The following ASRGL1 variants were observed in gnomAD, a reference collection of about 807,000 sequenced individuals.
ASRGL1 encodes the protein isoaspartyl peptidase/L-asparaginase.
A neutral mutation model predicts 22.4 loss-of-function variants in ASRGL1; 16 were observed. The ratio of observed to expected loss-of-function variants is 0.71; its 90% confidence interval spans 0.48 to 1.08. ASRGL1 has a LOEUF of 1.08. Among genes scored for constraint, ASRGL1 ranks in the 50% least tolerant of loss-of-function variants. The pLI is 0.00. For synonymous variants in ASRGL1, 165 were observed against 159.3 expected, an observed-to-expected ratio of 1.04 and a Z score of -0.27; for missense variants, 412 against 410.1, an observed-to-expected ratio of 1.00 and a Z score of -0.04.
At chr11:62,348,659 C>T (rs759788574) in intron 2 of ASRGL1, among the ~76,000 whole-genome samples, 57 of 151,518 alleles carry the variant, frequency 3.8e-4, no homozygotes, top group Admixed American at 7.9e-4. Context: ...GCCAAGATCG[C>T]GCCACTGCAC....
At chr11:62,394,348 A>T (rs1416604414), downstream of ASRGL1, among the ~76,000 whole-genome samples, 1 of 144,502 alleles carries the variant, frequency 6.9e-6, no homozygotes, top group East Asian at 1.9e-4. Context: ...AATATATATT[A>T]TATATAATAT....
chr11:62,366,035 A>C (rs1274668191), intron 4 of ASRGL1, among the ~76,000 whole-genome samples: 8 of 147,760 alleles, frequency 5.4e-5, no homozygotes, highest in Non-Finnish European at 1.2e-4. Flanking sequence ...CAAGACAGGC[A>C]GACTGCCCGA....
intron 4 of ASRGL1, among the ~76,000 whole-genome samples, chr11:62,364,114 ACACCACT>A (rs1946550293): frequency 6.8e-6 from 1 of 146,554 alleles, no homozygotes; most frequent in Non-Finnish European, 1.5e-5. Flanking sequence ...AGCTGAGATC[ACACCACT>A]GCACTCCAGC....
intron 4 of ASRGL1, among the ~76,000 whole-genome samples, chr11:62,373,687 G>A (rs535766403): frequency 6.6e-6 from 1 of 152,316 alleles, no homozygotes; most frequent in African/African-American, 2.4e-5. Flanking sequence ...CTCCTTTCCC[G>A]CTTTTTCTTG....
rs1370734820 is a variant in ASRGL1 at position 62,391,537 on chromosome 11, C to T, written c.626C>T (p.Ala209Val). ...DSPCLGAGGY[A>V]DNDIGAVSTT... ...TTTTGAGCAGGAGCTGGAGGTTATG[C>T]CGACAATGACATCGGAGCCGTCTCA... is the stretch of plus-strand genomic sequence containing the variant. Residue 209 changes from alanine to valine, a missense_variant, in exon 6 of 7, where the codon GCC becomes GTC. Physicochemically the swap from Ala to Val is moderately conservative, Grantham distance 64. Transcript: ENST00000415229. 2 of 1,611,084 alleles carry T rather than the reference C, an allele frequency of 1.2e-6. No individual in the cohort carries two copies. The highest frequency in any genetic ancestry group is 1.7e-6 in the Non-Finnish European group (2 of 1,178,666).
At chr11:62,384,034 G>GCA (rs200584567) in intron 4 of ASRGL1, among the ~76,000 whole-genome samples, 1 of 140,748 alleles carries the variant, frequency 7.1e-6, no homozygotes, top group African/African-American at 2.6e-5. Context: ...GCACGTGTGT[G>GCA]CGTGTGTGTG....
chr11:62,361,668 A>C (rs1239174765), intron 4 of ASRGL1, among the ~76,000 whole-genome samples: 1 of 151,618 alleles, frequency 6.6e-6, no homozygotes, highest in African/African-American at 2.4e-5. Context: ...TTGTATTTTT[A>C]GTAGAGAGGG....
intron 6 of ASRGL1, 188 bp downstream of exon 6, chr11:62,391,820 C>T: frequency 1.3e-6 from 1 of 777,612 alleles, no homozygotes. Flanking sequence ...GCATTGAGTA[C>T]TGTTATCTTC....
intron 4 of ASRGL1, 122 bp from the exon 5 acceptor site, chr11:62,389,011 A>G (rs886096059): frequency 4.8e-6 from 4 of 836,396 alleles, no homozygotes; most frequent in Non-Finnish European, 7.8e-6. Context: ...AGAATGTTGG[A>G]ATTAAATGGG....
rs1395020180 is a variant in ASRGL1, at chr11:62,362,853, A to AAT, written c.491+5718_491+5719dup. The stretch of plus-strand genomic sequence containing the variant: ...ACACACACACACACACATCCATATA[A>AAT]ATATATATATGTGGCTACTTCACCT... On this transcript the variant is annotated intron_variant, in intron 4 of 6. Coordinates refer to ENST00000415229, the MANE Select transcript of ASRGL1 (RefSeq NM_001083926.2). Among the ~76,000 whole-genome samples, 24 of 53,194 alleles carry AAT rather than the reference A, an allele frequency of 4.5e-4. 1 individual carries two copies. Among genetic ancestry groups the AAT allele is most frequent in the African/African-American group, 1.3e-3 (23 of 17,914 alleles). 34.9% of individuals were successfully genotyped at this position (53,194 alleles called of 152,430 possible).
chr11:62,390,489 A>G (rs1947312323), intron 5 of ASRGL1, among the ~76,000 whole-genome samples: 1 of 152,220 alleles, frequency 6.6e-6, no homozygotes, highest in African/African-American at 2.4e-5. Flanking sequence ...TGCCTGTGCC[A>G]GGACCACCCT....
chr11:62,363,177 C>T (rs1318686822), intron 4 of ASRGL1, among the ~76,000 whole-genome samples: 4 of 151,688 alleles, frequency 2.6e-5, no homozygotes, highest in Non-Finnish European at 1.5e-5. Context: ...TGATGATCTG[C>T]CCACCTCAGC....
intron 4 of ASRGL1, among the ~76,000 whole-genome samples, chr11:62,380,596 A>G (rs1418347806): frequency 1.3e-5 from 2 of 152,112 alleles, no homozygotes; most frequent in African/African-American, 4.8e-5. Flanking sequence ...TGCCCCATCA[A>G]TCCACCAACT....
At chr11:62,372,806 T>C (rs1346637475) in intron 4 of ASRGL1, 4 of 1,591,840 alleles carry the variant, frequency 2.5e-6, no homozygotes, top group Non-Finnish European at 3.4e-6. Context: ...TTGCCGTCAG[T>C]GAAGTGGGTG....
At chr11:62,380,919 T>G (rs1947050821) in intron 4 of ASRGL1, among the ~76,000 whole-genome samples, 1 of 152,148 alleles carries the variant, frequency 6.6e-6, no homozygotes, top group African/African-American at 2.4e-5. Flanking sequence ...ATGCACTACC[T>G]TGTCCACTAG....
downstream of ASRGL1, among the ~76,000 whole-genome samples, chr11:62,394,799 C>T (rs1947412501): frequency 6.6e-6 from 1 of 152,116 alleles, no homozygotes; most frequent in Non-Finnish European, 1.5e-5. Context: ...TTGTGCAAAG[C>T]CAAAGTGTGT....
chr11:62,370,054 G>A (rs991097259), intron 4 of ASRGL1, among the ~76,000 whole-genome samples: 40 of 152,148 alleles, frequency 2.6e-4, no homozygotes, highest in African/African-American at 9.2e-4. Context: ...CACAGCGGCC[G>A]TAGCTGTGAC....
intron 4 of ASRGL1, among the ~76,000 whole-genome samples, chr11:62,362,732 ATATAATATATAT>A (rs1946504445): frequency 3.1e-5 from 2 of 64,748 alleles, no homozygotes; most frequent in South Asian, 1.1e-3. Flanking sequence ...TATATATAAA[ATATAATATATAT>A]TATATATATA....
rs549995146 is a variant in ASRGL1 at position 62,364,592 on chromosome 11, T to G, written c.491+7448T>G. On this transcript the variant is annotated intron_variant, in intron 4 of 6. Transcript: ENST00000415229. ...AAAATAGCCAGGATATTGAAACAAC[T>G]ACAGTGTCTGTCCATCAATGAAGAA... Among the ~76,000 whole-genome samples, 6 of 152,324 alleles carry G rather than the reference T, an allele frequency of 3.9e-5. No individual in the cohort carries two copies. The South Asian group carries it at 1.2e-3, about 32-fold the overall frequency.
Sources: gnomAD v4.1 joint callset for allele counts (sites outside exome capture counted in the v4.1 genomes callset) on GRCh38, gnomAD v4.1.1 for gene constraint, MANE v1.5 for transcripts, NCBI Gene and HGNC (gene_info 2026-07-23, HGNC 2026-07-21) for gene names.